Variants in CR1L observed in about 807,000 individuals in gnomAD.
CR1L encodes complement C3b/C4b receptor 1 like.
Under a neutral mutation model 62.3 loss-of-function variants are expected in CR1L, and 59 were observed. The observed-to-expected ratio is 0.95, with a 90% CI of 0.77 to 1.18. The LOEUF (loss-of-function observed/expected upper bound fraction) is 1.18, where lower values mean the gene tolerates loss of function less well. Among genes scored for constraint, CR1L ranks in the 50% most tolerant of loss-of-function variants. CR1L has a pLI of 0.00. For synonymous variants in CR1L, 279 were observed against 248.7 expected (o/e 1.12, Z -1.15); for missense variants, 700 against 702.8 (o/e 1.00, Z 0.04).
At position 207,708,164 on chromosome 1, in the gene CR1L, T is replaced by C; in HGVS notation, c.1329-14T>C. 1 of 1,610,698 alleles carries C rather than the reference T, an allele frequency of 6.2e-7. No homozygotes were observed. Among genetic ancestry groups the C allele is most frequent in the East Asian group, 2.2e-5 (1 of 44,844 alleles). The stretch of plus-strand genomic sequence containing the variant: ...GTATGTACAGCACAATTATTTTCCA[T>C]TTTTTGCCTTTAGGCACCGACTCAT... On this transcript the variant is annotated splice_polypyrimidine_tract_variant and intron_variant, in intron 9 of 11. Coordinates refer to ENST00000508064, the MANE Select transcript of CR1L (RefSeq NM_175710.2).
intron 3 of CR1L, among the ~76,000 whole-genome samples, chr1:207,682,927 G>C (rs1211188537): frequency 2.0e-5 from 3 of 149,934 alleles, no homozygotes; most frequent in African/African-American, 7.5e-5. Context: ...TTTTTGGTCA[G>C]CTTGGATTGC....
chr1:207,706,098 A>G (rs1664263878), intron 9 of CR1L, among the ~76,000 whole-genome samples: 1 of 150,358 alleles, frequency 6.7e-6, no homozygotes, highest in Non-Finnish European at 1.5e-5. Context: ...AGTTAACCAA[A>G]TTTTCCCTCA....
chr1:207,708,944 A>G (rs1664311024), intron 10 of CR1L: 2 of 359,704 alleles, frequency 5.6e-6, no homozygotes, highest in Middle Eastern at 1.0e-3. Flanking sequence ...CCAAGATCAG[A>G]TGAAATTGGG....
At chr1:207,655,630 G>A (rs77923586) in intron 1 of CR1L, among the ~76,000 whole-genome samples, 5,816 of 152,114 alleles carry the variant, frequency 0.038, 175 homozygotes, top group South Asian at 0.12. Context: ...TAGAGACGTG[G>A]TTTTGCCATG....
intron 1 of CR1L, chr1:207,657,115 A>G: frequency 1.4e-6 from 1 of 703,468 alleles, no homozygotes; most frequent in Non-Finnish European, 2.6e-6. Flanking sequence ...TTTTTCTTCA[A>G]TTTTAAGAGA....
chr1:207,655,100 G>T (rs1303787116), intron 1 of CR1L: 1 of 333,564 alleles, frequency 3.0e-6, no homozygotes, highest in Non-Finnish European at 5.8e-6. Flanking sequence ...TTACTGCAGC[G>T]TAGAAAATAA....
At chr1:207,686,117 TCCC>T (rs1281501438) in intron 4 of CR1L, among the ~76,000 whole-genome samples, 20 of 21,120 alleles carry the variant, frequency 9.5e-4, no homozygotes, top group African/African-American at 2.6e-3. Flanking sequence ...CCTCCCTCCC[TCCC>T]TCCCTTCCTC....
chr1:207,655,256 TA>T, intron 1 of CR1L: 1 of 706,630 alleles, frequency 1.4e-6, no homozygotes, highest in East Asian at 3.2e-5. Context: ...TTTGGAGCAG[TA>T]AGCCCCCAAT....
At chr1:207,646,541 T>C (rs1178903299) in intron 1 of CR1L, among the ~76,000 whole-genome samples, 3 of 151,696 alleles carry the variant, frequency 2.0e-5, no homozygotes, top group Admixed American at 6.6e-5. Flanking sequence ...CAAAACCCCA[T>C]GTCTACAAAA....
chr1:207,685,963 CA>C (rs1370677093), intron 4 of CR1L, among the ~76,000 whole-genome samples: 3 of 151,828 alleles, frequency 2.0e-5, no homozygotes, highest in Non-Finnish European at 2.9e-5. Flanking sequence ...TGACACTGTA[CA>C]AAACCACCAG....
intron 3 of CR1L, among the ~76,000 whole-genome samples, chr1:207,679,840 T>G (rs2102459563): frequency 6.6e-6 from 1 of 152,208 alleles, no homozygotes; most frequent in East Asian, 1.9e-4. Context: ...TATTACTAAG[T>G]GAAAGAAGCC....
chr1:207,710,573 G>A (rs1201104435), intron 10 of CR1L: 22 of 1,609,832 alleles, frequency 1.4e-5, no homozygotes, highest in East Asian at 4.5e-5. Context: ...CGTCTGGAGC[G>A]GCCCAGTCCC....
chr1:207,702,300 G>T (rs967623758), intron 9 of CR1L, among the ~76,000 whole-genome samples: 4 of 152,150 alleles, frequency 2.6e-5, no homozygotes, highest in African/African-American at 9.7e-5. Flanking sequence ...TAATAAATGT[G>T]CATGCTTTGA....
Position 207,701,539 on chromosome 1 carries a change from C to G in CR1L, c.1249C>G (p.Pro417Ala), listed in dbSNP as rs761538436. The change falls in exon 9 of 12, where the codon CCA becomes GCA. Residue 417 changes from proline (P) to alanine (A), a missense_variant. Physicochemically the swap from Pro to Ala is conservative, Grantham distance 27 (BLOSUM62 -1). Transcript: ENST00000508064. ...VCERKSCETP[P>A]VPVNGMVHVI... Reference sequence around the variant, plus strand: ...CACAGGTAAATCATGTGAAACTCCTCCAGTTCCAGTGAATGGCATGGTGCA... The same window carrying G: ...CACAGGTAAATCATGTGAAACTCCTGCAGTTCCAGTGAATGGCATGGTGCA... 6.2e-7 allele frequency: 1 copy of G among 1,613,834 alleles called. No individual in the cohort carries two copies. The highest frequency in any genetic ancestry group is 1.7e-5 in the Admixed American group (1 of 60,008).
chr1:207,655,229 TAAAGG>T (rs1177268927), intron 1 of CR1L: 3 of 692,206 alleles, frequency 4.3e-6, no homozygotes, highest in Non-Finnish European at 7.5e-6. Flanking sequence ...ATTGTGAACT[TAAAGG>T]ATCAGTAGCA....
intron 1 of CR1L, among the ~76,000 whole-genome samples, chr1:207,674,071 G>T (rs1304429952): frequency 6.6e-6 from 1 of 152,194 alleles, no homozygotes; most frequent in East Asian, 1.9e-4. Context: ...AAAACAATCG[G>T]AGTGATTTCC....
At chr1:207,715,427 A>C in intron 10 of CR1L, 1 of 1,414,508 alleles carries the variant, frequency 7.1e-7, no homozygotes, top group African/African-American at 1.4e-5. Flanking sequence ...TAGTTTGGAT[A>C]GCTCTCCTTA....
At chr1:207,715,188 C>T (rs983413745) in intron 10 of CR1L, 26 of 593,790 alleles carry the variant, frequency 4.4e-5, no homozygotes, top group Non-Finnish European at 7.8e-5. Flanking sequence ...TAGACCTGAA[C>T]CTAAGACCCA....
At chr1:207,665,074 G>A (rs11587761) in intron 1 of CR1L, among the ~76,000 whole-genome samples, 5,821 of 151,898 alleles carry the variant, frequency 0.038, 177 homozygotes, top group South Asian at 0.12. Context: ...TTTTTTTTGA[G>A]ACGGAGTCTT....
Sources: allele counts gnomAD v4.1 joint callset (sites outside exome capture counted in the v4.1 genomes callset), GRCh38; gene constraint gnomAD v4.1.1; transcripts MANE v1.5; gene names NCBI Gene and HGNC (gene_info 2026-07-23, HGNC 2026-07-21).